The following MAMLD1 variants were observed in gnomAD, a reference collection of about 807,000 sequenced individuals.
MAMLD1 encodes the protein mastermind like domain containing 1.
MAMLD1 carries 14 observed loss-of-function variants against 45.0 expected under a neutral mutation model. The observed-to-expected ratio is 0.31, with a 90% CI of 0.21 to 0.49. The LOEUF is 0.49. MAMLD1 is among the 20% of genes least tolerant of loss of function. MAMLD1 has a pLI of 0.99. For missense variants in MAMLD1, 543 were observed against 603.6 expected (o/e 0.90, Z 1.05); for synonymous variants, 254 against 247.8 (o/e 1.02, Z -0.24).
Position 150,471,008 on chromosome X carries a change from C to T in MAMLD1, c.1435C>T (p.Leu479=), listed in dbSNP as rs781997446. 1.6e-5 allele frequency: 19 copies of T among 1,210,159 alleles called. No individual in the cohort carries two copies. The highest frequency in any genetic ancestry group is 2.0e-5 in the Non-Finnish European group (18 of 895,307). Residue 479 remains leucine, a synonymous_variant, in exon 4 of 8, where the codon CTG becomes TTG. Transcript: ENST00000370401. ...GCAGTCCTTCACCCCACAGTGTTCC[C>T]TGATCCGAAGCCTCACTCCCACCAG... ...PQQSFTPQCS[L]IRSLTPTSNL...
At chrX:150,450,403 C>T (rs1349968994) in intron 2 of MAMLD1, among the ~76,000 whole-genome samples, 1 of 111,825 alleles carries the variant, frequency 8.9e-6, no homozygotes, top group Admixed American at 9.4e-5. Context: ...GGCACAGGTG[C>T]AAATCTGGCC....
chrX:150,480,226 G>A (rs782007944), intron 5 of MAMLD1, among the ~76,000 whole-genome samples: 1 of 112,063 alleles, frequency 8.9e-6, no homozygotes, highest in African/African-American at 3.2e-5. Flanking sequence ...ACTATGTGGG[G>A]CCTGACCTGG....
At chrX:150,490,231 GACAGCT>G (rs1409350183) in intron 5 of MAMLD1, among the ~76,000 whole-genome samples, 1 of 112,231 alleles carries the variant, frequency 8.9e-6, no homozygotes, top group Non-Finnish European at 1.9e-5. Context: ...GCAGGCAGTA[GACAGCT>G]ACAGGAACAG....
At chrX:150,432,812 C>T (rs1350821532) in intron 1 of MAMLD1, among the ~76,000 whole-genome samples, 1 of 112,468 alleles carries the variant, frequency 8.9e-6, no homozygotes, top group Non-Finnish European at 1.9e-5. Flanking sequence ...GTTTTGGGTA[C>T]TGTAGCATTG....
intron 1 of MAMLD1, among the ~76,000 whole-genome samples, chrX:150,416,390 T>C (rs2034249724): frequency 9.0e-6 from 1 of 111,657 alleles, no homozygotes; most frequent in Non-Finnish European, 1.9e-5. Context: ...ACTGTGGAAA[T>C]AAACTCTTCC....
intron 2 of MAMLD1, among the ~76,000 whole-genome samples, chrX:150,446,269 A>G (rs1557404791): frequency 8.9e-6 from 1 of 112,277 alleles, no homozygotes; most frequent in African/African-American, 3.2e-5. Context: ...CAGGAATTGC[A>G]GCAAACACAA....
intron 1 of MAMLD1, among the ~76,000 whole-genome samples, chrX:150,398,037 C>T (rs782622899): frequency 2.8e-5 from 3 of 108,838 alleles, no homozygotes; most frequent in African/African-American, 1.0e-4. Flanking sequence ...CAAATCCATC[C>T]CCTTCTTTCT....
chrX:150,368,346 C>T (rs191835966), intron 1 of MAMLD1, among the ~76,000 whole-genome samples: 48 of 111,037 alleles, frequency 4.3e-4, no homozygotes, highest in African/African-American at 1.2e-3. Flanking sequence ...CTGCTGGCTG[C>T]GTAAATGTCT....
chrX:150,423,687 G>C (rs1226660784), intron 1 of MAMLD1, among the ~76,000 whole-genome samples: 1 of 110,420 alleles, frequency 9.1e-6, no homozygotes, highest in Non-Finnish European at 1.9e-5. Flanking sequence ...ATGGACACTG[G>C]AACAGCACCC....
intron 1 of MAMLD1, among the ~76,000 whole-genome samples, chrX:150,381,326 TG>T (rs2032597906): frequency 8.9e-6 from 1 of 112,425 alleles, no homozygotes; most frequent in Non-Finnish European, 1.9e-5. Context: ...ACAGTCACAT[TG>T]ATACACTCCA....
At chrX:150,427,393 G>C (rs1459196106) in intron 1 of MAMLD1, among the ~76,000 whole-genome samples, 2 of 112,277 alleles carry the variant, frequency 1.8e-5, no homozygotes, top group Non-Finnish European at 1.9e-5. Context: ...TTGAAAGCAG[G>C]AGTTCTTTTG....
intron 5 of MAMLD1, among the ~76,000 whole-genome samples, chrX:150,489,910 A>G (rs2037128080): frequency 9.0e-6 from 1 of 110,937 alleles, no homozygotes; most frequent in Non-Finnish European, 1.9e-5. Context: ...GAGAAAGAGG[A>G]TTGGGTAAGA....
At chrX:150,386,319 G>A (rs781965579) in intron 1 of MAMLD1, among the ~76,000 whole-genome samples, 1 of 111,249 alleles carries the variant, frequency 9.0e-6, no homozygotes, top group African/African-American at 3.3e-5. Context: ...TTCTATTGAG[G>A]TTCTCTTCCA....
intron 1 of MAMLD1, among the ~76,000 whole-genome samples, chrX:150,398,311 G>T (rs2033558724): frequency 1.0e-5 from 1 of 99,537 alleles, no homozygotes; most frequent in African/African-American, 3.8e-5. Flanking sequence ...AGAAGAAGAA[G>T]AAGAAGAAGA....
chrX:150,511,914 G>T, intron 7 of MAMLD1, 90 bp from the exon 8 acceptor site: 1 of 862,677 alleles, frequency 1.2e-6, no homozygotes. Flanking sequence ...TGAGAAGTCC[G>T]TGTTGGGCCA....
At chrX:150,381,940 C>G (rs2032630112) in intron 1 of MAMLD1, among the ~76,000 whole-genome samples, 1 of 110,208 alleles carries the variant, frequency 9.1e-6, no homozygotes, top group Non-Finnish European at 1.9e-5. Flanking sequence ...GTATTTTGTC[C>G]AATATGTAAT....
chrX:150,409,799 T>C (rs1454452266), intron 1 of MAMLD1, among the ~76,000 whole-genome samples: 2 of 112,717 alleles, frequency 1.8e-5, no homozygotes, highest in Non-Finnish European at 3.7e-5. Flanking sequence ...TATGTGTTTA[T>C]GCCTGTGGCA....
At chrX:150,398,117 G>C (rs868930559) in intron 1 of MAMLD1, among the ~76,000 whole-genome samples, 2 of 108,784 alleles carry the variant, frequency 1.8e-5, no homozygotes, top group Non-Finnish European at 3.8e-5. Flanking sequence ...AGTTCTGCCA[G>C]GTTCCAGCAC....
At chrX:150,391,789 C>T (rs1287254233) in intron 1 of MAMLD1, among the ~76,000 whole-genome samples, 1 of 111,755 alleles carries the variant, frequency 8.9e-6, no homozygotes, top group Non-Finnish European at 1.9e-5. Flanking sequence ...ATACCCTAGA[C>T]AATTTGCATA....
Sources: gnomAD v4.1 joint callset for allele counts (sites outside exome capture counted in the v4.1 genomes callset) on GRCh38, gnomAD v4.1.1 for gene constraint, MANE v1.5 for transcripts, NCBI Gene and HGNC (gene_info 2026-07-23, HGNC 2026-07-21) for gene names.